Variants in WWP2 observed in about 807,000 individuals in gnomAD.
The protein encoded by WWP2 is NEDD4-like E3 ubiquitin-protein ligase WWP2.
Under a neutral mutation model 121.0 loss-of-function variants are expected in WWP2, and 57 were observed. The observed-to-expected ratio is 0.47, with a 90% confidence interval of 0.38 to 0.59. The LOEUF (loss-of-function observed/expected upper bound fraction) is 0.59. Ranked by LOEUF, WWP2 falls within the 20% of genes least tolerant of loss-of-function variation. The pLI, the probability that WWP2 is intolerant of heterozygous loss-of-function variation, is 0.00. For missense variants in WWP2, 962 were observed against 1,158.9 expected, an observed-to-expected ratio of 0.83 and a Z score of 2.47; for synonymous variants, 449 against 441.3, an observed-to-expected ratio of 1.02 and a Z score of -0.22.
At chr16:69,915,574 A>G (rs1176508682) in intron 9 of WWP2, among the ~76,000 whole-genome samples, 1 of 152,172 alleles carries the variant, frequency 6.6e-6, no homozygotes, top group Non-Finnish European at 1.5e-5. Context: ...ACAAAAAGCA[A>G]TGAAATAGAC....
intron 1 of WWP2, among the ~76,000 whole-genome samples, chr16:69,782,569 C>T (rs1567661498): frequency 6.6e-6 from 1 of 152,188 alleles, no homozygotes; most frequent in Non-Finnish European, 1.5e-5. Flanking sequence ...ACCTGGAGGT[C>T]TCTCTGGAGC....
intron 7 of WWP2, among the ~76,000 whole-genome samples, chr16:69,879,670 G>A (rs889971350): frequency 1.6e-4 from 24 of 152,262 alleles, no homozygotes; most frequent in African/African-American, 5.5e-4. Flanking sequence ...GGAATAATGC[G>A]GGTGAGAACT....
At chr16:69,920,947 C>A (rs1293929203) in intron 10 of WWP2, among the ~76,000 whole-genome samples, 1 of 152,118 alleles carries the variant, frequency 6.6e-6, no homozygotes, top group South Asian at 2.1e-4. Flanking sequence ...GTCTTCCTTC[C>A]TGCCTGCCTC....
chr16:69,895,675 G>C (rs1238221912), intron 8 of WWP2, among the ~76,000 whole-genome samples: 1 of 152,140 alleles, frequency 6.6e-6, no homozygotes, highest in South Asian at 2.1e-4. Context: ...CAGGAGGATC[G>C]CATAAGTCCC....
At chr16:69,849,482 T>TATTCATTCATTCATTCATTC (rs10632935) in intron 6 of WWP2, among the ~76,000 whole-genome samples, 105 of 149,666 alleles carry the variant, frequency 7.0e-4, no homozygotes, top group Admixed American at 1.3e-3. Context: ...TTTATTTATT[T>TATTCATTCATTCATTCATTC]ATTCATTCAT....
intron 21 of WWP2, among the ~76,000 whole-genome samples, chr16:69,938,320 A>C (rs1396384390): frequency 1.3e-5 from 2 of 152,126 alleles, no homozygotes; most frequent in Admixed American, 6.5e-5. Flanking sequence ...AACCCATTTA[A>C]GTTTTTTAAG....
At chr16:69,795,042 T>A (rs531334559) in intron 2 of WWP2, among the ~76,000 whole-genome samples, 1 of 152,184 alleles carries the variant, frequency 6.6e-6, no homozygotes, top group Non-Finnish European at 1.5e-5. Flanking sequence ...GAGATCAGCC[T>A]GGCCAATGGG....
chr16:69,914,763 CAAAA>C (rs1304515485), intron 9 of WWP2, among the ~76,000 whole-genome samples: 1 of 151,904 alleles, frequency 6.6e-6, no homozygotes, highest in African/African-American at 2.4e-5. Flanking sequence ...CTCAAAGAAA[CAAAA>C]AAGAAAATGA....
intron 4 of WWP2, among the ~76,000 whole-genome samples, chr16:69,804,317 T>C (rs768593038): frequency 2.8e-4 from 43 of 152,334 alleles, no homozygotes; most frequent in Middle Eastern, 6.8e-3. Context: ...TCCTGGGTGT[T>C]TATGATTTTA....
At chr16:69,880,713 G>A (rs2057812325) in intron 7 of WWP2, among the ~76,000 whole-genome samples, 1 of 152,226 alleles carries the variant, frequency 6.6e-6, no homozygotes, top group Non-Finnish European at 1.5e-5. Context: ...AGAGCCGACT[G>A]ATCAGCTGCC....
At chr16:69,926,780 A>C (rs2058646164) in intron 11 of WWP2, among the ~76,000 whole-genome samples, 1 of 152,202 alleles carries the variant, frequency 6.6e-6, no homozygotes, top group Admixed American at 6.5e-5. Flanking sequence ...AGAGATTGGC[A>C]GCAACTCCAA....
chr16:69,862,952 C>G (rs1027054573), intron 6 of WWP2, among the ~76,000 whole-genome samples: 2 of 152,044 alleles, frequency 1.3e-5, no homozygotes, highest in Non-Finnish European at 2.9e-5. Flanking sequence ...GGTTTGCACT[C>G]TTGGGCTCAA....
chr16:69,828,922 T>C (rs1377763162), intron 4 of WWP2, among the ~76,000 whole-genome samples: 1 of 152,124 alleles, frequency 6.6e-6, no homozygotes, highest in Non-Finnish European at 1.5e-5. Flanking sequence ...ATCTGACGAC[T>C]CTCTTGGTGT....
chr16:69,828,996 C>A (rs776026921), intron 4 of WWP2, among the ~76,000 whole-genome samples: 6 of 152,182 alleles, frequency 3.9e-5, no homozygotes, highest in Admixed American at 2.6e-4. Context: ...TGCAAGTCAC[C>A]TCCTCAGACT....
At chr16:69,812,468 A>ACCCCCCC (rs747172682) in intron 4 of WWP2, among the ~76,000 whole-genome samples, 12 of 101,758 alleles carry the variant, frequency 1.2e-4, no homozygotes, top group Non-Finnish European at 1.8e-4. Context: ...CCTGCCCCCA[A>ACCCCCCC]CCCCCCCCCT....
chr16:69,770,986 A>G (rs1413352174), intron 1 of WWP2, among the ~76,000 whole-genome samples: 1 of 150,820 alleles, frequency 6.6e-6, no homozygotes, highest in Non-Finnish European at 1.5e-5. Flanking sequence ...AAAAAAAAAA[A>G]GGTAGTATTC....
intron 6 of WWP2, among the ~76,000 whole-genome samples, chr16:69,861,636 C>T (rs904745145): frequency 2.1e-4 from 28 of 134,514 alleles, no homozygotes; most frequent in Middle Eastern, 3.8e-3. Flanking sequence ...TCCTTTTACC[C>T]GCCCTCTCCT....
chr16:69,874,057 G>A (rs868729736), intron 7 of WWP2, among the ~76,000 whole-genome samples: 7 of 152,164 alleles, frequency 4.6e-5, no homozygotes, highest in African/African-American at 1.7e-4. Flanking sequence ...TTTCATGGTG[G>A]TGTCTCTCAG....
chr16:69,813,395 C>T (rs1193149768), intron 4 of WWP2, among the ~76,000 whole-genome samples: 1 of 152,220 alleles, frequency 6.6e-6, no homozygotes, highest in Non-Finnish European at 1.5e-5. Context: ...CTCCCAACCT[C>T]AGGTGTTCCA....
Sources: allele counts gnomAD v4.1 joint callset (sites outside exome capture counted in the v4.1 genomes callset), GRCh38; gene constraint gnomAD v4.1.1; transcripts MANE v1.5; gene names NCBI Gene and HGNC (gene_info 2026-07-23, HGNC 2026-07-21).